Variants in PIWIL1 observed in about 807,000 individuals in gnomAD.
PIWIL1 encodes piwi-like protein 1.
In PIWIL1, 73 loss-of-function variants were observed where a neutral mutation model predicts 114.4. That is an observed-to-expected ratio of 0.64 (90% CI 0.53 to 0.78). The LOEUF (loss-of-function observed/expected upper bound fraction) is 0.78. Ranked by LOEUF, PIWIL1 falls within the 30% of genes least tolerant of loss-of-function variation. The pLI is 0.00. For missense variants in PIWIL1, 723 were observed against 1,063.1 expected (o/e 0.68, Z 4.45); for synonymous variants, 375 against 369.0 (o/e 1.02, Z -0.19).
At chr12:130,364,794 T>C (rs2073609649) in intron 18 of PIWIL1, among the ~76,000 whole-genome samples, 1 of 152,208 alleles carries the variant, frequency 6.6e-6, no homozygotes, top group Non-Finnish European at 1.5e-5. Context: ...ACTCTTTTTT[T>C]CCTGCGATTT....
At chr12:130,402,347 C>CT in the PIWIL1 span, among the ~76,000 whole-genome samples, 1 of 152,070 alleles carries the variant, frequency 6.6e-6, no homozygotes, top group Admixed American at 6.5e-5. Flanking sequence ...GAATCGAAGG[C>CT]TCCCCCAGAC....
chr12:130,391,921 A>T, the PIWIL1 span, among the ~76,000 whole-genome samples: 5 of 146,732 alleles, frequency 3.4e-5, no homozygotes, highest in Admixed American at 3.4e-4. Flanking sequence ...GACCTGGTGA[A>T]TATTCAATGT....
At chr12:130,348,408 G>A (rs1357038568) in intron 7 of PIWIL1, among the ~76,000 whole-genome samples, 1 of 152,166 alleles carries the variant, frequency 6.6e-6, no homozygotes, top group Non-Finnish European at 1.5e-5. Flanking sequence ...GTTGTCCAGT[G>A]CTGTTTGTAT....
chr12:130,389,860 C>T, the PIWIL1 span, among the ~76,000 whole-genome samples: 1 of 152,176 alleles, frequency 6.6e-6, no homozygotes, highest in Non-Finnish European at 1.5e-5. Flanking sequence ...GCATTGCTTT[C>T]CCTGCATCCT....
chr12:130,416,182 T>A, the PIWIL1 span, among the ~76,000 whole-genome samples: 2 of 152,208 alleles, frequency 1.3e-5, no homozygotes, highest in Admixed American at 1.3e-4. Flanking sequence ...GCTATTTCTA[T>A]CAAACTTCCA....
At chr12:130,354,487 G>A (rs544030644) in intron 9 of PIWIL1, 50 bp from the exon 10 acceptor site, 1 of 1,610,438 alleles carries the variant, frequency 6.2e-7, no homozygotes, top group African/African-American at 1.3e-5. Flanking sequence ...CCACTGAGAT[G>A]CTACTCGAGG....
the PIWIL1 span, among the ~76,000 whole-genome samples, chr12:130,389,901 GCT>G: frequency 2.6e-5 from 4 of 151,884 alleles, no homozygotes; most frequent in African/African-American, 7.3e-5. Context: ...TTGTAATCCA[GCT>G]CTCTCTCTCT....
chr12:130,408,018 C>T, the PIWIL1 span, among the ~76,000 whole-genome samples: 3 of 152,156 alleles, frequency 2.0e-5, no homozygotes, highest in African/African-American at 4.8e-5. Flanking sequence ...ACTCCATATT[C>T]TTATATTTTT....
chr12:130,373,268 C>G (rs2073842043), downstream of PIWIL1, among the ~76,000 whole-genome samples: 2 of 152,186 alleles, frequency 1.3e-5, no homozygotes, highest in African/African-American at 2.4e-5. Context: ...GAAGTCTAAT[C>G]ATACGACTGG....
chr12:130,346,065 C>T (rs2073060950), intron 4 of PIWIL1, among the ~76,000 whole-genome samples, 187 bp downstream of exon 4: 1 of 152,168 alleles, frequency 6.6e-6, no homozygotes, highest in East Asian at 1.9e-4. Context: ...GAAACGTCAT[C>T]TCATTAAATA....
chr12:130,404,699 A>G, the PIWIL1 span, among the ~76,000 whole-genome samples: 6 of 152,238 alleles, frequency 3.9e-5, no homozygotes, highest in African/African-American at 1.2e-4. Context: ...GGCGCATGCT[A>G]TGTCAGAATT....
chr12:130,419,616 G>A, the PIWIL1 span: 2 of 152,188 alleles, frequency 1.3e-5, no homozygotes, highest in Non-Finnish European at 2.9e-5. The surrounding 1 kb of genome is among the most constrained non-coding windows in gnomAD (Gnocchi z 4.3). Context: ...AGTTACTAAT[G>A]TTTTTATTTT....
chr12:130,361,434 G>C (rs1392311378), intron 15 of PIWIL1, 54 bp downstream of exon 15: 15 of 1,609,532 alleles, frequency 9.3e-6, no homozygotes, highest in Non-Finnish European at 1.2e-5. Flanking sequence ...TTAAGAACAT[G>C]GATTTACTTT....
intron 3 of PIWIL1, 51 bp from the exon 4 acceptor site, chr12:130,345,702 C>A (rs2073051342): frequency 1.2e-6 from 2 of 1,600,392 alleles, no homozygotes; most frequent in Non-Finnish European, 1.7e-6. Flanking sequence ...TTAATATTGT[C>A]ATCCTTTATT....
At chr12:130,389,928 G>A in the PIWIL1 span, among the ~76,000 whole-genome samples, 142,447 of 152,272 alleles carry the variant, frequency 0.94, 66,746 homozygotes, top group Non-Finnish European at 0.96. Flanking sequence ...CTGATACACG[G>A]GTTCTTTAGA....
chr12:130,393,394 C>T, the PIWIL1 span, among the ~76,000 whole-genome samples: 2 of 151,096 alleles, frequency 1.3e-5, no homozygotes, highest in Admixed American at 1.3e-4. Flanking sequence ...ACCCAGTCAC[C>T]GTCATCACGT....
the PIWIL1 span, chr12:130,414,102 GCCCGCAGGCAGCCAT>G: frequency 1.2e-6 from 2 of 1,613,128 alleles, no homozygotes; most frequent in Non-Finnish European, 8.5e-7. Flanking sequence ...TGATGAAGCC[GCCCGCAGGCAGCCAT>G]CCCGCACCTT....
At chr12:130,360,836 CTG>C in intron 14 of PIWIL1, among the ~76,000 whole-genome samples, 1 of 152,304 alleles carries the variant, frequency 6.6e-6, no homozygotes, top group East Asian at 1.9e-4. Flanking sequence ...TAAATTAAGA[CTG>C]TGGGAAATCT....
the PIWIL1 span, chr12:130,424,141 C>T: frequency 1.6e-6 from 2 of 1,228,986 alleles, no homozygotes; most frequent in Non-Finnish European, 2.0e-6. The surrounding 1 kb of genome is among the most constrained non-coding windows in gnomAD (Gnocchi z 9.8). Context: ...AGGTCACACA[C>T]CAGGGGGCCT....
Sources: allele counts gnomAD v4.1 joint callset (sites outside exome capture counted in the v4.1 genomes callset), GRCh38; gene constraint gnomAD v4.1.1; non-coding constraint Gnocchi (gnomAD v3.1); transcripts MANE v1.5; gene names NCBI Gene and HGNC (gene_info 2026-07-23, HGNC 2026-07-21).